XYLT1: variants seen among roughly 807,000 people sequenced by gnomAD.
XYLT1 encodes beta-D-xylosyltransferase 1.
In XYLT1, 36 loss-of-function variants were observed where a neutral mutation model predicts 91.3. The ratio of observed to expected loss-of-function variants is 0.39; its 90% CI spans 0.30 to 0.52. The LOEUF is 0.52. XYLT1 is among the 20% of genes least tolerant of loss of function. XYLT1 has a pLI of 0.68. For missense variants in XYLT1, 1,242 were observed against 1,284.5 expected (o/e 0.97, Z 0.51); for synonymous variants, 588 against 532.0 (o/e 1.11, Z -1.45).
intron 1 of XYLT1, among the ~76,000 whole-genome samples, chr16:17,415,464 C>A (rs1279096606): frequency 6.6e-6 from 1 of 152,132 alleles, no homozygotes; most frequent in Non-Finnish European, 1.5e-5. Flanking sequence ...CCGAGGCGGG[C>A]GGATTGCCTA....
chr16:17,130,822 C>G (rs2030441810), intron 9 of XYLT1, among the ~76,000 whole-genome samples: 2 of 152,186 alleles, frequency 1.3e-5, no homozygotes, highest in African/African-American at 4.8e-5. Flanking sequence ...CACTTTGCTT[C>G]ATGCTTTCAG....
intron 2 of XYLT1, among the ~76,000 whole-genome samples, chr16:17,334,877 C>T (rs1478540689): frequency 9.5e-5 from 14 of 147,192 alleles, no homozygotes. Context: ...AGCGAGACTC[C>T]ATCTCAAAAA....
In XYLT1 at chr16:17,106,730, G is replaced by C. The variant is rs907134766; in HGVS notation, c.*1965C>G. 4 of 152,114 alleles carry C rather than the reference G, an allele frequency of 2.6e-5. No homozygotes were observed. The highest frequency in any genetic ancestry group is 5.9e-5 in the Non-Finnish European group (4 of 68,070). 9.4% of individuals were successfully genotyped at this position (152,114 alleles called of 1,614,324 possible). On this transcript the variant is annotated 3_prime_UTR_variant, in exon 12 of 12. Coordinates refer to ENST00000261381, the MANE Select transcript of XYLT1 (RefSeq NM_022166.4). ...TGTCACCTCCTTGTGCCTGTGACGG[G>C]GGGTGAGTAGGGGGAGGATGGGAGG... is the stretch of plus-strand genomic sequence containing the variant.
chr16:17,151,579 T>G (rs896724904), intron 6 of XYLT1, among the ~76,000 whole-genome samples: 1 of 152,120 alleles, frequency 6.6e-6, no homozygotes, highest in East Asian at 1.9e-4. Flanking sequence ...GGGGTTGTTG[T>G]AGAAAGAGTG....
chr16:17,212,126 G>T (rs1472485760), intron 3 of XYLT1, among the ~76,000 whole-genome samples: 1 of 152,190 alleles, frequency 6.6e-6, no homozygotes, highest in East Asian at 1.9e-4. Flanking sequence ...CTGGGAATTT[G>T]TTAGCAATGT....
At chr16:17,266,567 T>G (rs2033808064) in intron 2 of XYLT1, among the ~76,000 whole-genome samples, 1 of 152,136 alleles carries the variant, frequency 6.6e-6, no homozygotes. Context: ...CTGGAGGTCA[T>G]GCCTTTCAAT....
chr16:17,111,922 C>T (rs1966841835), intron 11 of XYLT1, among the ~76,000 whole-genome samples: 1 of 152,182 alleles, frequency 6.6e-6, no homozygotes, highest in South Asian at 2.1e-4. Flanking sequence ...GCAGCTTCAG[C>T]CCCACCTGCC....
rs1041434901 is a variant in XYLT1 at position 17,279,446 on chromosome 16, C to G, written c.403-19948G>C. Among the ~76,000 whole-genome samples the G allele has an allele frequency of 8.5e-5, 13 of 152,184 alleles. 1 individual carries two copies. The East Asian group carries it at 2.5e-3, about 29-fold the overall frequency. ...GACACTTCCTTAAGGCCACACAGATCAGGGATTTAAGCCATAGCACCAGAC... is the reference window on the plus strand; with the variant it reads ...GACACTTCCTTAAGGCCACACAGATGAGGGATTTAAGCCATAGCACCAGAC... On this transcript the variant is annotated intron_variant, in intron 2 of 11. Coordinates refer to ENST00000261381, the MANE Select transcript of XYLT1 (RefSeq NM_022166.4).
intron 3 of XYLT1, among the ~76,000 whole-genome samples, chr16:17,256,800 C>G (rs1355592529): frequency 1.3e-5 from 2 of 152,232 alleles, no homozygotes; most frequent in African/African-American, 4.8e-5. Context: ...AGGAGGACAC[C>G]AGGCAAAGCC....
At chr16:17,349,684 C>G (rs766413890) in intron 2 of XYLT1, among the ~76,000 whole-genome samples, 22 of 150,156 alleles carry the variant, frequency 1.5e-4, no homozygotes, top group Non-Finnish European at 2.7e-4. Flanking sequence ...AGTAATACTT[C>G]CCATAAGAGA....
intron 2 of XYLT1, among the ~76,000 whole-genome samples, chr16:17,264,433 A>G (rs1192020270): frequency 1.3e-5 from 2 of 152,246 alleles, no homozygotes; most frequent in Non-Finnish European, 2.9e-5. Context: ...GCTAACATCC[A>G]TTGTGTGTAT....
Position 17,428,998 on chromosome 16 carries a change from A to T in XYLT1, c.363+41436T>A, listed in dbSNP as rs114724244. On this transcript the variant is annotated intron_variant, in intron 1 of 11. Transcript: ENST00000261381. ...TTCCACAGGGACCTGTGGCCTAAAA[A>T]CCCCAACTGCTCAAAAGACTCAGGG... is the stretch of plus-strand genomic sequence containing the variant. 1.9e-3 allele frequency among the ~76,000 whole-genome samples: 282 copies of T among 152,106 alleles called. 2 individuals carry two copies. The highest frequency in any genetic ancestry group is 6.4e-3 in the African/African-American group (267 of 41,498).
chr16:17,270,148 C>T (rs774999821), intron 2 of XYLT1, among the ~76,000 whole-genome samples: 5 of 152,214 alleles, frequency 3.3e-5, no homozygotes, highest in Non-Finnish European at 5.9e-5. Context: ...CACCTCTGAA[C>T]AAATCCAAGT....
chr16:17,163,953 G>A (rs776666487), intron 5 of XYLT1, among the ~76,000 whole-genome samples: 33 of 138,514 alleles, frequency 2.4e-4, no homozygotes, highest in Non-Finnish European at 4.3e-4. Flanking sequence ...CAGGAGAATC[G>A]CTTGAACCCA....
chr16:17,378,520 A>T (rs550530578), intron 1 of XYLT1, among the ~76,000 whole-genome samples: 2 of 152,340 alleles, frequency 1.3e-5, no homozygotes, highest in South Asian at 4.1e-4. Context: ...CCTAGTTAGT[A>T]TTCTAGCAAG....
intron 10 of XYLT1, among the ~76,000 whole-genome samples, chr16:17,123,262 T>C (rs1011685458): frequency 6.6e-6 from 1 of 152,230 alleles, no homozygotes; most frequent in Non-Finnish European, 1.5e-5. Context: ...TTTGCAGTTT[T>C]CCTTGTAGAG....
intron 2 of XYLT1, among the ~76,000 whole-genome samples, chr16:17,349,970 T>G (rs574121156): frequency 6.6e-6 from 1 of 152,000 alleles, no homozygotes; most frequent in East Asian, 1.9e-4. Flanking sequence ...GCCTCCCGGG[T>G]TCACGTCATT....
At chr16:17,276,381 G>T (rs866740085) in intron 2 of XYLT1, among the ~76,000 whole-genome samples, 6 of 152,180 alleles carry the variant, frequency 3.9e-5, no homozygotes, top group African/African-American at 1.4e-4. Flanking sequence ...ATCCAATGTC[G>T]ATTGGAAGGC....
intron 1 of XYLT1, among the ~76,000 whole-genome samples, chr16:17,464,654 A>C (rs115772442): frequency 6.6e-6 from 1 of 152,302 alleles, no homozygotes; most frequent in African/African-American, 2.4e-5. Flanking sequence ...AATATGTCAA[A>C]CTATTATATA....
Sources: allele counts gnomAD v4.1 joint callset (sites outside exome capture counted in the v4.1 genomes callset), GRCh38; gene constraint gnomAD v4.1.1; transcripts MANE v1.5; gene names NCBI Gene and HGNC (gene_info 2026-07-23, HGNC 2026-07-21).